MEIOC: variants seen among roughly 807,000 people sequenced by gnomAD.
MEIOC encodes meiosis-specific coiled-coil domain-containing protein MEIOC.
MEIOC carries 9 observed loss-of-function variants against 85.3 expected under a neutral mutation model. That is an observed-to-expected ratio of 0.11 (90% CI 0.06 to 0.18). The LOEUF is 0.18. Among genes scored for constraint, MEIOC ranks in the 10% least tolerant of loss-of-function variants. MEIOC has a pLI of 1.00. For missense variants in MEIOC, 898 were observed against 1,129.4 expected, an observed-to-expected ratio of 0.80 and a Z score of 2.94; for synonymous variants, 365 against 393.7, an observed-to-expected ratio of 0.93 and a Z score of 0.86.
chr17:44,658,654 G>C (rs993612973), intron 2 of MEIOC, among the ~76,000 whole-genome samples: 11 of 151,564 alleles, frequency 7.3e-5, no homozygotes. Context: ...AATCAGCCGG[G>C]TGTGGGGGCA....
chr17:44,673,266 ATAT>A, intron 6 of MEIOC, 97 bp from the exon 7 acceptor site: 3 of 818,738 alleles, frequency 3.7e-6, no homozygotes, highest in Non-Finnish European at 5.4e-6. Context: ...TATTGAATGA[ATAT>A]TATTGCTGTC....
In MEIOC at chr17:44,662,370, A is replaced by G; in HGVS notation, c.258A>G (p.Glu86=). The G allele has an allele frequency of 1.3e-6, 2 of 1,550,088 alleles. No individual in the cohort carries two copies. Among genetic ancestry groups the G allele is most frequent in the Non-Finnish European group, 1.7e-6 (2 of 1,145,862 alleles). The change falls in exon 3 of 8, where the codon GAA becomes GAG. Residue 86 remains glutamate (E), a synonymous_variant. Transcript: ENST00000409122. ...CCTATACTCCATTTTCTTCAACAGA[A>G]TATTCAAGTTCTGTAGATTCTTCAC... The part of the protein sequence containing the change: ...RQTYTPFSST[E]YSSSVDSSLF...
intron 6 of MEIOC, 74 bp from the exon 7 acceptor site, chr17:44,673,292 C>A: frequency 1.8e-6 from 2 of 1,087,966 alleles, no homozygotes; most frequent in Non-Finnish European, 1.3e-6. Flanking sequence ...CTCTATTCTG[C>A]TTCACTGAAG....
intron 6 of MEIOC, 80 bp from the exon 7 acceptor site, chr17:44,673,286 A>G (rs1972035618): frequency 8.8e-6 from 9 of 1,023,288 alleles, no homozygotes; most frequent in African/African-American, 1.7e-5. Flanking sequence ...TGTCATCTCT[A>G]TTCTGCTTCA....
downstream of MEIOC, chr17:44,677,008 C>T (rs1972085223): frequency 2.1e-6 from 2 of 941,206 alleles, no homozygotes; most frequent in South Asian, 9.8e-5. Flanking sequence ...GAAGAAAGAA[C>T]TGACTACTAA....
At chr17:44,658,821 C>G (rs1225872950) in intron 2 of MEIOC, among the ~76,000 whole-genome samples, 1 of 147,160 alleles carries the variant, frequency 6.8e-6, no homozygotes, top group Non-Finnish European at 1.5e-5. Flanking sequence ...AAAAAGAAAA[C>G]AAATTGAAGA....
chr17:44,657,372 G>GT, intron 2 of MEIOC, 111 bp downstream of exon 2: 1 of 925,658 alleles, frequency 1.1e-6, no homozygotes, highest in Non-Finnish European at 1.5e-6. Flanking sequence ...AGAAAACCAG[G>GT]GAAAACTTTT....
chr17:44,673,490 T>C lies in MEIOC; in HGVS notation c.2582T>C (p.Ile861Thr). 6.4e-7 allele frequency: 1 copy of C among 1,551,200 alleles called. No homozygotes were observed. The highest frequency in any genetic ancestry group is 8.7e-7 in the Non-Finnish European group (1 of 1,146,884). ...GTACAGTCACGTAGAAAGGATGAAA[T>C]TGTTAATGCTTCCAATCGGCAAAGG... ...HIVQSRRKDE[I>T]VNASNRQRQG... The change falls in exon 7 of 8, where the codon ATT becomes ACT. Residue 861 changes from isoleucine to threonine, a missense_variant. Ile to Thr is a moderately conservative substitution (Grantham distance 89, BLOSUM62 -1). Transcript: ENST00000409122.
downstream of MEIOC, among the ~76,000 whole-genome samples, chr17:44,676,747 G>A (rs532680216): frequency 5.3e-5 from 8 of 152,198 alleles, no homozygotes; most frequent in Non-Finnish European, 7.4e-5. Flanking sequence ...ACTTGAACCC[G>A]CAAGGTGGAG....
At chr17:44,672,317 C>T (rs1030978682) in intron 6 of MEIOC, among the ~76,000 whole-genome samples, 3 of 152,116 alleles carry the variant, frequency 2.0e-5, no homozygotes, top group African/African-American at 7.2e-5. Context: ...TTATCATTTG[C>T]TCAAAATTAT....
rs531372555 is a variant in MEIOC at position 44,656,517 on chromosome 17, C to T, written c.-97C>T. On this transcript the variant is annotated 5_prime_UTR_variant, in exon 1 of 8. Coordinates refer to ENST00000409122, the MANE Select transcript of MEIOC (RefSeq NM_001145080.3). ...GCGGCGGAGGCGGCTGCGGAGACGG[C>T]GGGGTGCGGGCTGAGGGAGCCGGGC... is the stretch of plus-strand genomic sequence containing the variant. The T allele has an allele frequency of 2.4e-5, 24 of 1,018,498 alleles. 1 individual carries two copies. In the South Asian group the frequency reaches 4.6e-4, roughly 20 times the overall value. 63.1% of individuals were successfully genotyped at this position (1,018,498 alleles called of 1,614,324 possible).
downstream of MEIOC, chr17:44,676,959 G>A (rs1347278472): frequency 1.0e-6 from 1 of 984,688 alleles, no homozygotes; most frequent in Non-Finnish European, 1.2e-6. Flanking sequence ...GCATTAGTTT[G>A]AGAGTATACT....
At position 44,673,415 on chromosome 17, in the gene MEIOC, A is replaced by G; in HGVS notation, c.2507A>G (p.His836Arg). 1 of 1,550,056 alleles carries G rather than the reference A, an allele frequency of 6.5e-7. No individual in the cohort carries two copies. The highest frequency in any genetic ancestry group is 1.2e-5 in the South Asian group (1 of 83,712). Residue 836 changes from histidine (H) to arginine (R), a missense_variant, in exon 7 of 8, where the codon CAT becomes CGT. Coordinates refer to ENST00000409122, the MANE Select transcript of MEIOC (RefSeq NM_001145080.3). The part of the protein sequence containing the change: ...KMERLRSSLL[H>R]ASISTALDRH... ...GAACGTCTTCGGAGTTCTCTTCTTCATGCCAGTATCTCTACTGCTCTTGAT... is the reference window on the plus strand; with the variant it reads ...GAACGTCTTCGGAGTTCTCTTCTTCGTGCCAGTATCTCTACTGCTCTTGAT...
rs556761718 is a variant in MEIOC, at chr17:44,669,125, C to T, written c.2323-258C>T. On this transcript the variant is annotated intron_variant, in intron 5 of 7. Coordinates refer to ENST00000409122, the MANE Select transcript of MEIOC (RefSeq NM_001145080.3). ...GGCTGAGGCAGGAGAATCGCTTGAACCCGGGAAACGGAGGTTACAGTGAGC... is the reference window on the plus strand; with the variant it reads ...GGCTGAGGCAGGAGAATCGCTTGAATCCGGGAAACGGAGGTTACAGTGAGC... Among the ~76,000 whole-genome samples, 33 of 152,110 alleles carry T rather than the reference C, an allele frequency of 2.2e-4. No individual in the cohort carries two copies. The South Asian group carries it at 6.0e-3, about 28-fold the overall frequency.
Position 44,666,539 on chromosome 17 carries a change from C to T in MEIOC, c.628C>T (p.Arg210Cys), listed in dbSNP as rs145444080. 1.9e-5 allele frequency: 31 copies of T among 1,609,292 alleles called. No homozygotes were observed. The highest frequency in any genetic ancestry group is 1.7e-4 in the Admixed American group (10 of 59,262). Reference protein sequence around the residue: ...SVSAMEKQYLRNSNLTPQQKI... With the variant: ...SVSAMEKQYLCNSNLTPQQKI... ...GTCAGCAATGGAAAAGCAATACCTG[C>T]GTAACAGTAATCTCACACCACAACA... Residue 210 changes from arginine to cysteine, a missense_variant, in exon 5 of 8, where the codon CGT becomes TGT. Physicochemically the swap from Arg to Cys is radical, Grantham distance 180 (BLOSUM62 -3). Transcript: ENST00000409122.
chr17:44,674,299 A>T lies in MEIOC; in HGVS notation c.*103A>T. The T allele has an allele frequency of 4.2e-6, 6 of 1,445,514 alleles. No individual in the cohort carries two copies. The highest frequency in any genetic ancestry group is 5.4e-6 in the Non-Finnish European group (6 of 1,102,680). 89.5% of individuals were successfully genotyped at this position (1,445,514 alleles called of 1,614,324 possible). On this transcript the variant is annotated 3_prime_UTR_variant, in exon 8 of 8. Transcript: ENST00000409122. The stretch of plus-strand genomic sequence containing the variant: ...AAACTTTCAGTATGTTTTCTTTCAG[A>T]TTTAAAGTTAATACCAGTACCTTAA...
rs1481212108 is a variant in MEIOC at position 44,672,434 on chromosome 17, A to G, written c.2458-932A>G. On this transcript the variant is annotated intron_variant, in intron 6 of 7. Coordinates refer to ENST00000409122, the MANE Select transcript of MEIOC (RefSeq NM_001145080.3). The stretch of plus-strand genomic sequence containing the variant: ...CACAGTTGAGAGGAAAATATTTAAC[A>G]TACGGAATAGACTTATTATGAAGAA... 2.6e-5 allele frequency among the ~76,000 whole-genome samples: 4 copies of G among 152,228 alleles called. No homozygotes were observed. In the East Asian group the frequency reaches 7.7e-4, roughly 29 times the overall value.
chr17:44,667,993 C>T lies in MEIOC; in HGVS notation c.2082C>T (p.His694=). 1 of 1,613,804 alleles carries T rather than the reference C, an allele frequency of 6.2e-7. No individual in the cohort carries two copies. The part of the protein sequence containing the change: ...GSNGFPLRST[H]PFGHSVVPLL... ...ATGGGTTTCCCCTAAGATCCACCCA[C>T]CCATTTGGCCATTCAGTTGTTCCAC... Residue 694 remains histidine, a synonymous_variant, in exon 5 of 8, where the codon CAC becomes CAT. Transcript: ENST00000409122.
intron 6 of MEIOC, 81 bp downstream of exon 6, chr17:44,669,598 T>C (rs1366424643): frequency 1.1e-5 from 15 of 1,383,746 alleles, no homozygotes; most frequent in Non-Finnish European, 1.5e-5. Context: ...GGTGGCTCAC[T>C]CCTGTAATCC....
Sources: gnomAD v4.1 joint callset for allele counts (sites outside exome capture counted in the v4.1 genomes callset) on GRCh38, gnomAD v4.1.1 for gene constraint, MANE v1.5 for transcripts, NCBI Gene and HGNC (gene_info 2026-07-23, HGNC 2026-07-21) for gene names.